The following FAM219B variants were observed in gnomAD, a reference collection of about 807,000 sequenced individuals.
The protein encoded by FAM219B is family with sequence similarity 219 member B, also known as protein FAM219B.
FAM219B carries 18 observed loss-of-function variants against 19.9 expected under a neutral mutation model. The observed-to-expected ratio is 0.91, with a 90% CI of 0.63 to 1.34. FAM219B has a LOEUF of 1.34. Among genes scored for constraint, FAM219B ranks in the 40% most tolerant of loss-of-function variants. The pLI, the probability that FAM219B is intolerant of heterozygous loss-of-function variation, is 0.00. For missense variants in FAM219B, 283 were observed against 270.5 expected, an observed-to-expected ratio of 1.05 and a Z score of -0.32; for synonymous variants, 123 against 117.5, an observed-to-expected ratio of 1.05 and a Z score of -0.30.
chr15:74,902,888 T>C, intron 4 of FAM219B, 102 bp from the exon 5 acceptor site: 5 of 1,387,148 alleles, frequency 3.6e-6, no homozygotes, highest in Non-Finnish European at 4.9e-6. Context: ...TTCCTGTCCA[T>C]GTCCCACCCC....
In FAM219B at chr15:74,906,396, T is replaced by A. The variant is rs752063383; in HGVS notation, c.215-31A>T. ...AGTTAAAGGACCCGGGTCAGCCGGG[T>A]CTTCCCCACTCCGCCGCGTCTCCCG... On this transcript the variant is annotated intron_variant, in intron 1 of 4. Coordinates refer to ENST00000357635, the MANE Select transcript of FAM219B (RefSeq NM_020447.5). 4.4e-6 allele frequency: 7 copies of A among 1,584,258 alleles called. No individual in the cohort carries two copies. The South Asian group carries it at 6.8e-5, about 15-fold the overall frequency.
chr15:74,905,101 T>C (rs2065129741), intron 3 of FAM219B, 53 bp downstream of exon 3: 1 of 1,612,314 alleles, frequency 6.2e-7, no homozygotes, highest in African/African-American at 1.3e-5. Context: ...CAGGCGATCT[T>C]CAGTCCCAGC....
intron 4 of FAM219B, among the ~76,000 whole-genome samples, chr15:74,903,394 A>G (rs1265649894): frequency 1.3e-5 from 2 of 152,018 alleles, no homozygotes; most frequent in Non-Finnish European, 2.9e-5. Context: ...AGGTCAGGAG[A>G]TCGAGACCAT....
At chr15:74,905,304 C>T in intron 2 of FAM219B, 73 bp from the exon 3 acceptor site, 3 of 1,476,692 alleles carry the variant, frequency 2.0e-6, no homozygotes, top group Non-Finnish European at 2.8e-6. Context: ...AGGCAGAGTC[C>T]TCGCCCTGAA....
At chr15:74,898,064 G>A (rs926502459), downstream of FAM219B, 35 of 402,586 alleles carry the variant, frequency 8.7e-5, no homozygotes, top group Middle Eastern at 7.9e-4. Context: ...CATTAGCTCA[G>A]CATCTGTCAG....
chr15:74,899,052 G>A (rs2064867228), downstream of FAM219B: 1 of 152,242 alleles, frequency 6.6e-6, no homozygotes, highest in Non-Finnish European at 1.5e-5. Context: ...GCAGATTACA[G>A]GGACTCAGGA....
intron 3 of FAM219B, 171 bp from the exon 4 acceptor site, chr15:74,904,883 C>G (rs1416401461): frequency 7.0e-7 from 1 of 1,434,612 alleles, no homozygotes; most frequent in Non-Finnish European, 9.5e-7. Context: ...TCAATTGGTT[C>G]TGGCAGGGAC....
chr15:74,905,124 C>CA lies in FAM219B; in HGVS notation c.380+29dup. 3 of 1,613,622 alleles carry CA rather than the reference C, an allele frequency of 1.9e-6. No homozygotes were observed. The South Asian group carries it at 3.3e-5, about 18-fold the overall frequency. On this transcript the variant is annotated intron_variant, in intron 3 of 4. Coordinates refer to ENST00000357635, the MANE Select transcript of FAM219B (RefSeq NM_020447.5). ...CTTCAGTCCCAGCCAAGTTGCTTCCCAAGGGGGTATTTCCAAGGGGAGCAC... is the reference window on the plus strand; with the variant it reads ...CTTCAGTCCCAGCCAAGTTGCTTCCCAAAGGGGGTATTTCCAAGGGGAGCAC...
chr15:74,906,522 C>A, intron 1 of FAM219B, 65 bp downstream of exon 1: 1 of 1,464,394 alleles, frequency 6.8e-7, no homozygotes, highest in Non-Finnish European at 9.0e-7. Flanking sequence ...AGCTCCGGAA[C>A]CCGCCCTGGG....
chr15:74,902,937 ACCAC>A, intron 4 of FAM219B, 151 bp from the exon 5 acceptor site: 3 of 782,440 alleles, frequency 3.8e-6, no homozygotes, highest in Non-Finnish European at 5.9e-6. Flanking sequence ...AGGAGGAAGT[ACCAC>A]CTTCTCCTAC....
At chr15:74,904,988 G>T (rs1486034856) in intron 3 of FAM219B, 166 bp downstream of exon 3, 2 of 1,541,792 alleles carry the variant, frequency 1.3e-6, no homozygotes, top group Non-Finnish European at 8.7e-7. Context: ...TTACCTATGA[G>T]TCTTCTAACC....
intron 2 of FAM219B, 131 bp downstream of exon 2, chr15:74,906,147 G>T (rs1206683810): frequency 1.3e-5 from 11 of 856,928 alleles, no homozygotes; most frequent in Non-Finnish European, 2.0e-5. Context: ...CCATTTTAAA[G>T]ATAGTGAACC....
chr15:74,906,215 C>T, intron 2 of FAM219B, 63 bp downstream of exon 2: 2 of 1,557,702 alleles, frequency 1.3e-6, no homozygotes. Flanking sequence ...ACCCTGCCTC[C>T]GTCCTGGGGA....
In FAM219B at chr15:74,906,690, C is replaced by T; in HGVS notation, c.111G>A (p.Gln37=). ...APGAAGPPSG[Q]IGNRALRLGE... ...CCAGACGGAGGGCTCTATTACCGATCTGCCCGGAGGGTGGCCCCGCAGCTC... is the reference window on the plus strand; with the variant it reads ...CCAGACGGAGGGCTCTATTACCGATTTGCCCGGAGGGTGGCCCCGCAGCTC... Residue 37 remains glutamine, a synonymous_variant, in exon 1 of 5, where the codon CAG becomes CAA. Coordinates refer to ENST00000357635, the MANE Select transcript of FAM219B (RefSeq NM_020447.5). 6.8e-7 allele frequency: 1 copy of T among 1,467,588 alleles called. No individual in the cohort carries two copies. The highest frequency in any genetic ancestry group is 9.0e-7 in the Non-Finnish European group (1 of 1,112,750). 90.9% of individuals were successfully genotyped at this position (1,467,588 alleles called of 1,614,324 possible).
In FAM219B at chr15:74,906,339, C is replaced by T. The variant is rs140011630; in HGVS notation, c.241G>A (p.Val81Ile). ...LQKHRDLAKAVLRRKGMLGAS... is the reference protein window; with the variant it reads ...LQKHRDLAKAILRRKGMLGAS... ...CCCAGCATGCCTTTTCTCCGCAGAACGGCCTTGGCCAGGTCCCGGTGCTTC... is the reference window on the plus strand; with the variant it reads ...CCCAGCATGCCTTTTCTCCGCAGAATGGCCTTGGCCAGGTCCCGGTGCTTC... Residue 81 changes from valine (V) to isoleucine (I), a missense_variant, in exon 2 of 5, where the codon GTT (valine) becomes ATT (isoleucine). Transcript: ENST00000357635. 134 of 1,613,074 alleles carry T rather than the reference C, an allele frequency of 8.3e-5. No individual in the cohort carries two copies. The African/African-American group carries it at 1.7e-3, about 20-fold the overall frequency.
rs150373765 is a variant in FAM219B, at chr15:74,902,696, G to T, written c.520C>A (p.Pro174Thr). 1.9e-6 allele frequency: 3 copies of T among 1,613,128 alleles called. No homozygotes were observed. Among genetic ancestry groups the T allele is most frequent in the Admixed American group, 1.7e-5 (1 of 59,892 alleles). Residue 174 changes from proline (P) to threonine (T), a missense_variant, in exon 5 of 5, where the codon CCT (proline) becomes ACT (threonine). By Grantham distance (38) the Pro-to-Thr change is conservative. Coordinates refer to ENST00000357635, the MANE Select transcript of FAM219B (RefSeq NM_020447.5). ...CATGTTGAAGAGGCCATGGGCTTAG[G>T]GGGGATGAGGTCCAAGTCCTCGTCA... The part of the protein sequence containing the change: ...PDDEDLDLIP[P>T]KPMASSTCSC...
Position 74,902,074 on chromosome 15 carries a change from A to G in FAM219B, c.*545T>C. ...TTAGACAGGTGCAACCTGAAGAGGG[A>G]CAAAAGGACTCACTTTATGCTGTCT... is the stretch of plus-strand genomic sequence containing the variant. On this transcript the variant is annotated 3_prime_UTR_variant, in exon 5 of 5. Coordinates refer to ENST00000357635, the MANE Select transcript of FAM219B (RefSeq NM_020447.5). The G allele has an allele frequency of 2.5e-6, 1 of 398,642 alleles. No homozygotes were observed. Among genetic ancestry groups the G allele is most frequent in the Non-Finnish European group, 4.4e-6 (1 of 226,060 alleles). 24.7% of individuals were successfully genotyped at this position (398,642 alleles called of 1,614,324 possible).
At chr15:74,899,147 A>G (rs750931171), downstream of FAM219B, 10 of 152,212 alleles carry the variant, frequency 6.6e-5, no homozygotes, top group Non-Finnish European at 1.0e-4. Flanking sequence ...GAATCTCCTG[A>G]TGCCCTGCTC....
intron 3 of FAM219B, chr15:74,904,938 T>G: frequency 6.6e-7 from 1 of 1,522,038 alleles, no homozygotes; most frequent in Non-Finnish European, 8.8e-7. Context: ...GGCAGGATGA[T>G]CCCCCGGACA....
Sources: gnomAD v4.1 joint callset for allele counts (sites outside exome capture counted in the v4.1 genomes callset) on GRCh38, gnomAD v4.1.1 for gene constraint, MANE v1.5 for transcripts, NCBI Gene and HGNC (gene_info 2026-07-23, HGNC 2026-07-21) for gene names.